PLXDC2: variants seen among roughly 807,000 people sequenced by gnomAD.
PLXDC2 encodes plexin domain containing 2.
In PLXDC2, 40 loss-of-function variants were observed where a neutral mutation model predicts 68.9. That is an observed-to-expected ratio of 0.58 (90% CI 0.45 to 0.76). PLXDC2 has a LOEUF of 0.76. Ranked by LOEUF, PLXDC2 falls within the 30% of genes least tolerant of loss-of-function variation. PLXDC2 has a pLI of 0.00. For missense variants in PLXDC2, 644 were observed against 661.9 expected, an observed-to-expected ratio of 0.97 and a Z score of 0.30; for synonymous variants, 243 against 234.2, an observed-to-expected ratio of 1.04 and a Z score of -0.34.
intron 1 of PLXDC2, among the ~76,000 whole-genome samples, chr10:19,905,722 C>T (rs181744715): frequency 6.6e-6 from 1 of 152,176 alleles, no homozygotes; most frequent in Non-Finnish European, 1.5e-5. Flanking sequence ...AGAATGAATT[C>T]TTTAATTGCA....
intron 1 of PLXDC2, among the ~76,000 whole-genome samples, chr10:19,931,689 A>G (rs1833636996): frequency 6.6e-6 from 1 of 152,118 alleles, no homozygotes; most frequent in Non-Finnish European, 1.5e-5. Context: ...CAGCTTGTTT[A>G]TCAATGTTGT....
intron 2 of PLXDC2, among the ~76,000 whole-genome samples, chr10:20,006,627 T>A (rs1352039353): frequency 6.6e-6 from 1 of 152,182 alleles, no homozygotes; most frequent in Non-Finnish European, 1.5e-5. Context: ...GACAATAGCA[T>A]GTTTACTGTT....
chr10:20,286,993 G>A lies in PLXDC2; in HGVS notation c.*7174G>A, dbSNP rs1407967947. The A allele has an allele frequency of 6.6e-6, 1 of 152,336 alleles. No individual in the cohort carries two copies. Among genetic ancestry groups the A allele is most frequent in the Admixed American group, 6.5e-5 (1 of 15,280 alleles). 9.4% of individuals were successfully genotyped at this position (152,336 alleles called of 1,614,324 possible). ...CCCACCTCCGCCTCCCAAAGTGCTG[G>A]AATTACAGGCCTGAGCCACCGTGCC... On this transcript the variant is annotated 3_prime_UTR_variant, in exon 14 of 14. Transcript: ENST00000377252.
At chr10:20,136,494 G>A (rs1833934720) in intron 4 of PLXDC2, among the ~76,000 whole-genome samples, 1 of 152,140 alleles carries the variant, frequency 6.6e-6, no homozygotes, top group South Asian at 2.1e-4. Flanking sequence ...CCAACACTGA[G>A]CTATTCACAA....
intron 13 of PLXDC2, among the ~76,000 whole-genome samples, chr10:20,279,059 A>G (rs969521842): frequency 6.6e-6 from 1 of 152,188 alleles, no homozygotes; most frequent in Non-Finnish European, 1.5e-5. Flanking sequence ...TTTGTTTCAT[A>G]AGCTCACGAT....
chr10:20,248,298 G>A (rs1202954429), intron 13 of PLXDC2, among the ~76,000 whole-genome samples: 2 of 152,148 alleles, frequency 1.3e-5, no homozygotes, highest in African/African-American at 4.8e-5. Flanking sequence ...GAGCCTGTAT[G>A]TCCATAGGTG....
At chr10:20,272,534 CT>C (rs1356084710) in intron 13 of PLXDC2, among the ~76,000 whole-genome samples, 1 of 152,142 alleles carries the variant, frequency 6.6e-6, no homozygotes, top group Non-Finnish European at 1.5e-5. Context: ...TAAATAAGAT[CT>C]GTGCAAGTGA....
intron 1 of PLXDC2, among the ~76,000 whole-genome samples, chr10:19,992,993 C>G (rs901623539): frequency 6.6e-6 from 1 of 152,170 alleles, no homozygotes; most frequent in African/African-American, 2.4e-5. Context: ...CCTAGCCTCA[C>G]GACTCGGCTC....
chr10:20,114,526 C>G (rs958459672), intron 4 of PLXDC2, among the ~76,000 whole-genome samples: 1 of 152,146 alleles, frequency 6.6e-6, no homozygotes, highest in Non-Finnish European at 1.5e-5. Context: ...GATGTGAAAA[C>G]AAACAATTTT....
At chr10:19,823,724 C>G (rs189238738) in intron 1 of PLXDC2, among the ~76,000 whole-genome samples, 1 of 152,066 alleles carries the variant, frequency 6.6e-6, no homozygotes, top group Non-Finnish European at 1.5e-5. Context: ...CAGTGGCTCA[C>G]ACCTGTAATC....
chr10:19,862,601 A>G (rs1376679810), intron 1 of PLXDC2, among the ~76,000 whole-genome samples: 1 of 152,218 alleles, frequency 6.6e-6, no homozygotes, highest in East Asian at 1.9e-4. Context: ...TGAATCATAA[A>G]TGAGAAAGTT....
intron 13 of PLXDC2, among the ~76,000 whole-genome samples, chr10:20,267,671 C>T (rs186266526): frequency 1.6e-3 from 237 of 151,972 alleles, no homozygotes; most frequent in Middle Eastern, 3.4e-3. Context: ...TTAAGTTATC[C>T]AAATGAAAAG....
chr10:20,023,620 G>A (rs1835350518), intron 2 of PLXDC2, among the ~76,000 whole-genome samples: 2 of 151,908 alleles, frequency 1.3e-5, no homozygotes, highest in Non-Finnish European at 1.5e-5. Flanking sequence ...CTTCCATCTT[G>A]GACTTCCCAG....
chr10:19,851,668 C>T (rs538778601), intron 1 of PLXDC2, among the ~76,000 whole-genome samples: 2 of 152,264 alleles, frequency 1.3e-5, no homozygotes, highest in East Asian at 1.9e-4. Flanking sequence ...GTCTCAGCCT[C>T]CCCAGTAGCT....
In PLXDC2 at chr10:19,816,603, T is replaced by A. The variant is rs1260554047; in HGVS notation, c.-477T>A. 1 of 178,294 alleles carries A rather than the reference T, an allele frequency of 5.6e-6. No homozygotes were observed. The highest frequency in any genetic ancestry group is 1.2e-5 in the Non-Finnish European group (1 of 82,796). The allele number at this position is 178,294 out of a possible 1,614,324, so 11.0% of individuals were successfully genotyped here. A position where few individuals can be genotyped will look rare whatever the true frequency, so the allele number is the denominator to read the frequency against. ...AAACCTAAACCTCCTGCCGGGGCCA[T>A]CCCTAGACAGAGGAAAGTTCCTGCA... On this transcript the variant is annotated 5_prime_UTR_variant, in exon 1 of 14. Transcript: ENST00000377252.
intron 10 of PLXDC2, 64 bp from the exon 11 acceptor site, chr10:20,217,362 A>T: frequency 4.9e-6 from 7 of 1,436,668 alleles, no homozygotes; most frequent in African/African-American, 1.4e-5. Flanking sequence ...AGCTTCTTTG[A>T]TGTAAGTTCT....
At chr10:20,255,947 T>G (rs1295217396) in intron 13 of PLXDC2, among the ~76,000 whole-genome samples, 1 of 152,152 alleles carries the variant, frequency 6.6e-6, no homozygotes, top group Non-Finnish European at 1.5e-5. Context: ...TCATACATCC[T>G]GTCTTACATC....
chr10:20,048,300 T>C (rs1255329317), intron 3 of PLXDC2, among the ~76,000 whole-genome samples: 1 of 152,072 alleles, frequency 6.6e-6, no homozygotes, highest in Admixed American at 6.6e-5. Context: ...GAATTTTCGG[T>C]GTAGAGCACA....
At chr10:20,129,643 C>T (rs929590182) in intron 4 of PLXDC2, among the ~76,000 whole-genome samples, 1 of 151,846 alleles carries the variant, frequency 6.6e-6, no homozygotes, top group Admixed American at 6.6e-5. Flanking sequence ...TTTGCAGTTT[C>T]TGGTCTCACA....
Sources: gnomAD v4.1 joint callset for allele counts (sites outside exome capture counted in the v4.1 genomes callset) on GRCh38, gnomAD v4.1.1 for gene constraint, MANE v1.5 for transcripts, NCBI Gene and HGNC (gene_info 2026-07-23, HGNC 2026-07-21) for gene names.